The following FBXL7 variants were observed in gnomAD, a reference collection of about 807,000 sequenced individuals.
FBXL7 encodes F-box/LRR-repeat protein 7.
FBXL7 carries 12 observed loss-of-function variants against 38.3 expected under a neutral mutation model. The ratio of observed to expected loss-of-function variants is 0.31; its 90% CI spans 0.20 to 0.51. FBXL7 has a LOEUF of 0.51. FBXL7 is among the 20% of genes least tolerant of loss of function. The pLI is 0.98. For missense variants in FBXL7, 567 were observed against 676.4 expected, an observed-to-expected ratio of 0.84 and a Z score of 1.79; for synonymous variants, 297 against 300.9, an observed-to-expected ratio of 0.99 and a Z score of 0.13.
intron 2 of FBXL7, among the ~76,000 whole-genome samples, chr5:15,843,085 C>A (rs1579511347): frequency 6.6e-6 from 1 of 152,076 alleles, no homozygotes. Flanking sequence ...TTAGGTGATT[C>A]TCTATATAAT....
At chr5:15,752,556 C>T (rs1166424411) in intron 2 of FBXL7, among the ~76,000 whole-genome samples, 1 of 151,950 alleles carries the variant, frequency 6.6e-6, no homozygotes, top group Non-Finnish European at 1.5e-5. Context: ...TCTGACCCAC[C>T]AGGACCAAGA....
intron 1 of FBXL7, among the ~76,000 whole-genome samples, chr5:15,541,275 C>T (rs142861285): frequency 2.6e-5 from 4 of 151,068 alleles, no homozygotes; most frequent in Non-Finnish European, 5.9e-5. Flanking sequence ...TTTTTCTCCT[C>T]ATTTTGTTCT....
chr5:15,715,483 C>A lies in FBXL7; in HGVS notation c.127+99411C>A, dbSNP rs184305934. On this transcript the variant is annotated intron_variant, in intron 2 of 3. Coordinates refer to ENST00000504595, the MANE Select transcript of FBXL7 (RefSeq NM_012304.5). ...TCGAGCCTGGTGACAGAGCGAGACT[C>A]CGTCTCAAAAAAAAAAAAAAAAAAA... Among the ~76,000 whole-genome samples, 715 of 136,948 alleles carry A rather than the reference C, an allele frequency of 5.2e-3. 2 individuals carry two copies. Among genetic ancestry groups the A allele is most frequent in the Non-Finnish European group, 8.8e-3 (556 of 63,400 alleles). 89.8% of individuals were successfully genotyped at this position (136,948 alleles called of 152,430 possible).
chr5:15,720,947 A>T (rs1029330732), intron 2 of FBXL7, among the ~76,000 whole-genome samples: 5 of 152,138 alleles, frequency 3.3e-5, no homozygotes. Flanking sequence ...TAAATATAGT[A>T]ATTTTTCTTC....
intron 2 of FBXL7, among the ~76,000 whole-genome samples, chr5:15,902,689 T>G (rs1340020682): frequency 1.3e-5 from 2 of 152,242 alleles, no homozygotes; most frequent in East Asian, 3.8e-4. Context: ...GATTTCAAGT[T>G]GGCTTGGAAC....
intron 2 of FBXL7, among the ~76,000 whole-genome samples, chr5:15,772,634 A>AAT (rs1736756898): frequency 6.6e-6 from 1 of 152,128 alleles, no homozygotes; most frequent in Non-Finnish European, 1.5e-5. Flanking sequence ...TACCCTCTTC[A>AAT]TGGTGTGATT....
intron 1 of FBXL7, among the ~76,000 whole-genome samples, chr5:15,572,922 G>A (rs1416621813): frequency 6.6e-6 from 1 of 152,110 alleles, no homozygotes; most frequent in Non-Finnish European, 1.5e-5. Flanking sequence ...GATTTATGTT[G>A]AACCAGGTTT....
chr5:15,826,218 A>G (rs185248702), intron 2 of FBXL7, among the ~76,000 whole-genome samples: 71 of 152,332 alleles, frequency 4.7e-4, no homozygotes, highest in Non-Finnish European at 8.1e-4. Flanking sequence ...CCTTACCGAC[A>G]GCTTAACATG....
intron 2 of FBXL7, among the ~76,000 whole-genome samples, chr5:15,826,957 T>C (rs1738330756): frequency 6.6e-6 from 1 of 151,624 alleles, no homozygotes; most frequent in African/African-American, 2.4e-5. Flanking sequence ...ACACAAAGGA[T>C]GATGGATCTA....
intron 2 of FBXL7, among the ~76,000 whole-genome samples, chr5:15,849,843 T>C (rs963414377): frequency 6.6e-6 from 1 of 152,240 alleles, no homozygotes; most frequent in Non-Finnish European, 1.5e-5. Flanking sequence ...TCTTTTAGCT[T>C]CTGCCTCGTC....
At chr5:15,929,422 G>A (rs747725348) in intron 3 of FBXL7, among the ~76,000 whole-genome samples, 7 of 152,072 alleles carry the variant, frequency 4.6e-5, no homozygotes, top group African/African-American at 7.2e-5. Context: ...AGTTAGAGAC[G>A]AGCCTGAGCA....
chr5:15,594,505 G>A (rs1739566253), intron 1 of FBXL7, among the ~76,000 whole-genome samples: 1 of 152,218 alleles, frequency 6.6e-6, no homozygotes, highest in Non-Finnish European at 1.5e-5. Context: ...TTCCTGATGT[G>A]TGTCGCCCAG....
intron 2 of FBXL7, among the ~76,000 whole-genome samples, chr5:15,857,619 A>C (rs1454360029): frequency 6.6e-6 from 1 of 152,230 alleles, no homozygotes; most frequent in African/African-American, 2.4e-5. Flanking sequence ...AGAGAGCCGT[A>C]GGCACCATCA....
At chr5:15,781,553 A>G (rs977846120) in intron 2 of FBXL7, among the ~76,000 whole-genome samples, 11 of 152,028 alleles carry the variant, frequency 7.2e-5, no homozygotes, top group African/African-American at 2.7e-4. Context: ...ATAGAGAAGT[A>G]CTTTCTGAGC....
intron 1 of FBXL7, 32 bp from the exon 2 acceptor site, chr5:15,615,947 CAAAT>C: frequency 1.3e-6 from 2 of 1,498,078 alleles, no homozygotes; most frequent in Non-Finnish European, 1.9e-6. Context: ...TCTGAAATTA[CAAAT>C]CTCAAAAGCT....
At chr5:15,700,146 C>T (rs375025051) in intron 2 of FBXL7, among the ~76,000 whole-genome samples, 3 of 152,184 alleles carry the variant, frequency 2.0e-5, no homozygotes, top group African/African-American at 7.2e-5. Flanking sequence ...TGGGTTGTTC[C>T]CTCCCATTAT....
chr5:15,933,968 A>G (rs1479578002), intron 3 of FBXL7, among the ~76,000 whole-genome samples: 1 of 152,126 alleles, frequency 6.6e-6, no homozygotes. Flanking sequence ...TTTATTTATA[A>G]AATATTAGGT....
chr5:15,632,801 G>A (rs1384284471), intron 2 of FBXL7, among the ~76,000 whole-genome samples: 2 of 152,094 alleles, frequency 1.3e-5, no homozygotes, highest in Non-Finnish European at 2.9e-5. Context: ...ATCATTAGTG[G>A]GAACTAAACA....
chr5:15,903,971 A>G (rs1245668013), intron 2 of FBXL7, among the ~76,000 whole-genome samples: 3 of 152,150 alleles, frequency 2.0e-5, no homozygotes, highest in Non-Finnish European at 4.4e-5. Context: ...GGAAGAAATA[A>G]TGGTTATTTC....
Sources: gnomAD v4.1 joint callset for allele counts (sites outside exome capture counted in the v4.1 genomes callset) on GRCh38, gnomAD v4.1.1 for gene constraint, MANE v1.5 for transcripts, NCBI Gene and HGNC (gene_info 2026-07-23, HGNC 2026-07-21) for gene names.